Variants in RIC8B observed in about 807,000 individuals in gnomAD.
The protein encoded by RIC8B is chaperone Ric-8B.
A neutral mutation model predicts 57.5 loss-of-function variants in RIC8B; 16 were observed. The observed-to-expected ratio is 0.28, with a 90% CI of 0.19 to 0.42. The LOEUF (loss-of-function observed/expected upper bound fraction) is 0.42. Among genes scored for constraint, RIC8B ranks in the 10% least tolerant of loss-of-function variants. The probability of loss-of-function intolerance (pLI) is 1.00; values close to 1 mark genes in which losing one functional copy is unlikely to be tolerated. For missense variants in RIC8B, 481 were observed against 677.0 expected (o/e 0.71, Z 3.21); for synonymous variants, 216 against 250.8 (o/e 0.86, Z 1.31).
chr12:106,849,398 C>T (rs1039139519), intron 6 of RIC8B, among the ~76,000 whole-genome samples: 1 of 150,642 alleles, frequency 6.6e-6, no homozygotes, highest in Non-Finnish European at 1.5e-5. Context: ...AGCGATCCTC[C>T]TGCCTTGGTC....
intron 2 of RIC8B, among the ~76,000 whole-genome samples, chr12:106,793,526 G>C (rs891813617): frequency 6.6e-5 from 10 of 152,236 alleles, no homozygotes; most frequent in Non-Finnish European, 1.5e-4. Flanking sequence ...GATTGCTAGA[G>C]TGAAAGGAGG....
chr12:106,810,323 C>T (rs1385108101), intron 2 of RIC8B, among the ~76,000 whole-genome samples: 1 of 150,382 alleles, frequency 6.6e-6, no homozygotes, highest in Non-Finnish European at 1.5e-5. Context: ...AAGAAAGTCA[C>T]ACAGTGGCAA....
intron 1 of RIC8B, among the ~76,000 whole-genome samples, chr12:106,779,301 G>A (rs998386557): frequency 6.6e-6 from 1 of 150,618 alleles, no homozygotes; most frequent in Non-Finnish European, 1.5e-5. Context: ...GCTTGATGTC[G>A]CCTAACTGCA....
intron 9 of RIC8B, among the ~76,000 whole-genome samples, chr12:106,881,600 TGTG>T (rs998001437): frequency 1.1e-4 from 17 of 152,144 alleles, no homozygotes; most frequent in Non-Finnish European, 1.8e-4. Flanking sequence ...GGAATATTTC[TGTG>T]GTGTTCATTA....
chr12:106,843,822 T>A (rs765036173), intron 5 of RIC8B, 30 bp from the exon 6 acceptor site: 28 of 1,524,378 alleles, frequency 1.8e-5, no homozygotes, highest in Non-Finnish European at 2.4e-5. Context: ...ACTAACGTAT[T>A]TCAAAAACAT....
intron 4 of RIC8B, among the ~76,000 whole-genome samples, chr12:106,838,180 A>T (rs1167563765): frequency 6.6e-6 from 1 of 152,180 alleles, no homozygotes; most frequent in Non-Finnish European, 1.5e-5. Flanking sequence ...AAATAAACTC[A>T]TGCATATATA....
chr12:106,825,655 T>C, intron 3 of RIC8B, 71 bp from the exon 4 acceptor site: 4 of 1,071,728 alleles, frequency 3.7e-6, no homozygotes, highest in Non-Finnish European at 5.8e-6. Context: ...GCAAGAGATG[T>C]AGTAAAGTAG....
At chr12:106,823,624 T>C (rs2136321626) in intron 3 of RIC8B, among the ~76,000 whole-genome samples, 2 of 152,180 alleles carry the variant, frequency 1.3e-5, no homozygotes, top group South Asian at 2.1e-4. Flanking sequence ...AAGGGAAATA[T>C]GATCTTATCA....
At chr12:106,834,852 C>T (rs1271798174) in intron 4 of RIC8B, among the ~76,000 whole-genome samples, 21 of 151,482 alleles carry the variant, frequency 1.4e-4, no homozygotes, top group African/African-American at 4.4e-4. Context: ...GGTGTGGTGG[C>T]GGGTGCCTGT....
chr12:106,859,765 G>A (rs575705645), intron 7 of RIC8B, among the ~76,000 whole-genome samples: 45 of 152,056 alleles, frequency 3.0e-4, no homozygotes, highest in Non-Finnish European at 5.6e-4. Flanking sequence ...AAAGCAGTAA[G>A]TTATCACCTA....
intron 9 of RIC8B, among the ~76,000 whole-genome samples, chr12:106,878,703 G>C (rs537051443): frequency 6.6e-6 from 1 of 152,156 alleles, no homozygotes; most frequent in South Asian, 2.1e-4. Flanking sequence ...CTTGGGTTTT[G>C]TTATACATTG....
chr12:106,865,907 G>C (rs943120801), intron 8 of RIC8B, among the ~76,000 whole-genome samples: 2 of 152,162 alleles, frequency 1.3e-5, no homozygotes, highest in Non-Finnish European at 2.9e-5. Context: ...GTTGACTGCT[G>C]TTCCTTCTGC....
Position 106,867,840 on chromosome 12 carries a change from CA to C in RIC8B, c.1452-2982del, listed in dbSNP as rs1481533020. Among the ~76,000 whole-genome samples, 16 of 152,064 alleles carry C rather than the reference CA, an allele frequency of 1.1e-4. No individual in the cohort carries two copies. The highest frequency in any genetic ancestry group is 3.6e-4 in the African/African-American group (15 of 41,424). On this transcript the variant is annotated intron_variant, in intron 8 of 9. Transcript: ENST00000392837. This position sits in a 1 kb window ranked among gnomAD's most constrained non-coding sequence, Gnocchi z 4.3. ...TTTTGTTTACATTCTTCCGAATATC[CA>C]GGGGAAAAATGTCTTTTTAAAGGAA...
chr12:106,855,029 C>T (rs1465612232), intron 7 of RIC8B, among the ~76,000 whole-genome samples: 1 of 152,076 alleles, frequency 6.6e-6, no homozygotes, highest in Non-Finnish European at 1.5e-5. Flanking sequence ...AAAAATAGGC[C>T]TTACATTGTT....
At chr12:106,827,576 T>C (rs2046165322) in intron 4 of RIC8B, among the ~76,000 whole-genome samples, 1 of 152,244 alleles carries the variant, frequency 6.6e-6, no homozygotes, top group Non-Finnish European at 1.5e-5. Context: ...GTTATCTCAG[T>C]GTACTCCCTG....
chr12:106,849,655 A>G (rs1338286933), intron 6 of RIC8B, among the ~76,000 whole-genome samples: 1 of 152,096 alleles, frequency 6.6e-6, no homozygotes, highest in Non-Finnish European at 1.5e-5. Context: ...GAAAAGCCCT[A>G]GTTAACAGGA....
intron 2 of RIC8B, among the ~76,000 whole-genome samples, chr12:106,803,945 C>T (rs996280374): frequency 1.3e-5 from 2 of 152,130 alleles, no homozygotes; most frequent in Non-Finnish European, 2.9e-5. Context: ...GTATTATCCC[C>T]GTTTTATAGG....
At chr12:106,836,252 A>G (rs1431208210) in intron 4 of RIC8B, among the ~76,000 whole-genome samples, 2 of 152,174 alleles carry the variant, frequency 1.3e-5, no homozygotes, top group East Asian at 1.9e-4. Flanking sequence ...CTCAGCTTTC[A>G]TAGTCTTTTA....
At chr12:106,828,707 C>T (rs1593231771) in intron 4 of RIC8B, among the ~76,000 whole-genome samples, 1 of 152,182 alleles carries the variant, frequency 6.6e-6, no homozygotes, top group Non-Finnish European at 1.5e-5. Flanking sequence ...CCACCACTGC[C>T]ACTGTGCCAC....
Sources: allele counts gnomAD v4.1 joint callset (sites outside exome capture counted in the v4.1 genomes callset), GRCh38; gene constraint gnomAD v4.1.1; non-coding constraint Gnocchi (gnomAD v3.1); transcripts MANE v1.5; gene names NCBI Gene and HGNC (gene_info 2026-07-23, HGNC 2026-07-21).